PCP4: variants seen among roughly 807,000 people sequenced by gnomAD.
PCP4 encodes calmodulin regulator protein PCP4.
In PCP4, 8 loss-of-function variants were observed where a neutral mutation model predicts 10.0. The ratio of observed to expected loss-of-function variants is 0.80; its 90% CI spans 0.47 to 1.45. The LOEUF (loss-of-function observed/expected upper bound fraction) is 1.45, where lower values mean the gene tolerates loss of function less well. Among genes scored for constraint, PCP4 ranks in the 40% most tolerant of loss-of-function variants. PCP4 has a pLI of 0.00. For missense variants in PCP4, 54 were observed against 74.4 expected (o/e 0.73, Z 1.01); for synonymous variants, 21 against 23.0 (o/e 0.91, Z 0.24).
At chr21:39,901,428 C>G (rs935129004) in intron 2 of PCP4, among the ~76,000 whole-genome samples, 4 of 152,214 alleles carry the variant, frequency 2.6e-5, no homozygotes, top group African/African-American at 9.6e-5. Context: ...TTCGATGTCT[C>G]TGCCCCTTGG....
In PCP4 at chr21:39,910,396, G is replaced by T. The variant is rs565861299; in HGVS notation, c.61+11869G>T. 6.6e-5 allele frequency among the ~76,000 whole-genome samples: 10 copies of T among 152,060 alleles called. No homozygotes were observed. In the East Asian group the frequency reaches 1.4e-3, roughly 21 times the overall value. ...CAACCTTTCTTACACTTCAAGTTTCGCTCTTTCCACACAAACATAAAGCTT... is the reference window on the plus strand; with the variant it reads ...CAACCTTTCTTACACTTCAAGTTTCTCTCTTTCCACACAAACATAAAGCTT... On this transcript the variant is annotated intron_variant, in intron 2 of 2. Coordinates refer to ENST00000328619, the MANE Select transcript of PCP4 (RefSeq NM_006198.3).
chr21:39,898,411 G>C, intron 1 of PCP4, 65 bp from the exon 2 acceptor site: 1 of 1,279,970 alleles, frequency 7.8e-7, no homozygotes, highest in Non-Finnish European at 1.1e-6. Context: ...AACAATAAAA[G>C]AGACAAAAGT....
chr21:39,922,718 G>C (rs2076899497), intron 2 of PCP4, among the ~76,000 whole-genome samples: 1 of 152,232 alleles, frequency 6.6e-6, no homozygotes, highest in Admixed American at 6.5e-5. Flanking sequence ...TACACTGTTT[G>C]TTGAGAAAGG....
At chr21:39,893,311 C>G (rs1473083796) in intron 1 of PCP4, among the ~76,000 whole-genome samples, 1 of 152,182 alleles carries the variant, frequency 6.6e-6, no homozygotes, top group Non-Finnish European at 1.5e-5. Context: ...CTTTAAACAC[C>G]TCTCCTGCCT....
At chr21:39,891,972 C>T (rs190693417) in intron 1 of PCP4, among the ~76,000 whole-genome samples, 92 of 152,328 alleles carry the variant, frequency 6.0e-4, no homozygotes, top group African/African-American at 2.1e-3. Flanking sequence ...GGGGTTTAGG[C>T]CTCCGGATGA....
At chr21:39,903,588 G>C (rs1380406783) in intron 2 of PCP4, among the ~76,000 whole-genome samples, 1 of 152,172 alleles carries the variant, frequency 6.6e-6, no homozygotes, top group Non-Finnish European at 1.5e-5. Flanking sequence ...TTTGATTTGG[G>C]CTGGGCGCGG....
At chr21:39,894,178 G>C (rs548956542) in intron 1 of PCP4, among the ~76,000 whole-genome samples, 34 of 152,214 alleles carry the variant, frequency 2.2e-4, no homozygotes, top group Non-Finnish European at 4.1e-4. Flanking sequence ...TCTCCTGGGA[G>C]TGGAATTATT....
rs114978927 is a variant in PCP4 at position 39,919,819 on chromosome 21, G to A, written c.62-9165G>A. Among the ~76,000 whole-genome samples, 1,149 of 151,160 alleles carry A rather than the reference G, an allele frequency of 7.6e-3. 18 individuals are homozygous for A. Among genetic ancestry groups the A allele is most frequent in the African/African-American group, 0.027 (1,109 of 41,146 alleles). On this transcript the variant is annotated intron_variant, in intron 2 of 2. Transcript: ENST00000328619. ...TAATGTGGTGTATTTGTGAGTGTGT[G>A]GTATGTTTGTGTGTTTTGTGTGTGT...
intron 1 of PCP4, among the ~76,000 whole-genome samples, chr21:39,893,709 AT>A (rs1239568818): frequency 6.6e-6 from 1 of 152,236 alleles, no homozygotes; most frequent in Non-Finnish European, 1.5e-5. Flanking sequence ...GAAGGAAGTC[AT>A]TGTGAGGGAA....
chr21:39,883,915 G>A (rs1243834135), intron 1 of PCP4, among the ~76,000 whole-genome samples: 1 of 152,130 alleles, frequency 6.6e-6, no homozygotes, highest in Non-Finnish European at 1.5e-5. Context: ...TGCAATGTGA[G>A]TGTTTTTATC....
chr21:39,887,741 A>T (rs1320963599), intron 1 of PCP4, among the ~76,000 whole-genome samples: 1 of 152,180 alleles, frequency 6.6e-6, no homozygotes, highest in African/African-American at 2.4e-5. Context: ...TCAAAGATGG[A>T]TCATCTAAGA....
intron 1 of PCP4, among the ~76,000 whole-genome samples, chr21:39,870,373 C>A (rs1232602575): frequency 6.6e-6 from 1 of 152,144 alleles, no homozygotes; most frequent in African/African-American, 2.4e-5. Context: ...GTGCCTGGAG[C>A]AATCTATGAG....
intron 1 of PCP4, among the ~76,000 whole-genome samples, chr21:39,894,898 G>A (rs374493951): frequency 1.2e-4 from 19 of 152,214 alleles, no homozygotes; most frequent in African/African-American, 4.1e-4. Flanking sequence ...GCCTCTTCCC[G>A]AAGATGCTAA....
At chr21:39,912,783 T>C (rs1267576849) in intron 2 of PCP4, among the ~76,000 whole-genome samples, 4 of 152,132 alleles carry the variant, frequency 2.6e-5, no homozygotes, top group Admixed American at 6.6e-5. Flanking sequence ...AGATCTTAGC[T>C]CACTCTAACC....
chr21:39,871,856 A>T (rs931516257), intron 1 of PCP4, among the ~76,000 whole-genome samples: 10 of 151,366 alleles, frequency 6.6e-5, no homozygotes, highest in African/African-American at 1.2e-4. Context: ...CAAGATGTAT[A>T]TTTTTTTTTC....
intron 2 of PCP4, among the ~76,000 whole-genome samples, chr21:39,925,177 G>C (rs117167873): frequency 6.6e-6 from 1 of 152,292 alleles, no homozygotes; most frequent in East Asian, 1.9e-4. Flanking sequence ...CCTGTGGGCT[G>C]TGTCCCTCTG....
intron 1 of PCP4, 104 bp from the exon 2 acceptor site, chr21:39,898,372 G>C (rs368137196): frequency 1.1e-4 from 102 of 920,542 alleles, no homozygotes; most frequent in Non-Finnish European, 2.8e-5. Context: ...AAGTAACATA[G>C]AACTTGATAT....
chr21:39,892,308 ATGAT>A (rs1444773045), intron 1 of PCP4, among the ~76,000 whole-genome samples: 1 of 152,160 alleles, frequency 6.6e-6, no homozygotes, highest in Non-Finnish European at 1.5e-5. Context: ...GTTTATAATA[ATGAT>A]TGATAATTGT....
rs547483426 is a variant in PCP4 at position 39,909,230 on chromosome 21, G to A, written c.61+10703G>A. ...AGTTATTATAATGACAATTTCTCATGGCTATTATGGCATATTGATCTGTTC... is the reference window on the plus strand; with the variant it reads ...AGTTATTATAATGACAATTTCTCATAGCTATTATGGCATATTGATCTGTTC... On this transcript the variant is annotated intron_variant, in intron 2 of 2. Transcript: ENST00000328619. Among the ~76,000 whole-genome samples the A allele has an allele frequency of 2.5e-4, 38 of 152,266 alleles. No individual in the cohort carries two copies. The South Asian group carries it at 5.0e-3, about 20-fold the overall frequency.
Sources: gnomAD v4.1 joint callset for allele counts (sites outside exome capture counted in the v4.1 genomes callset) on GRCh38, gnomAD v4.1.1 for gene constraint, MANE v1.5 for transcripts, NCBI Gene and HGNC (gene_info 2026-07-23, HGNC 2026-07-21) for gene names.